PPP2R2B: variants seen among roughly 807,000 people sequenced by gnomAD.
PPP2R2B encodes the protein serine/threonine-protein phosphatase 2A 55 kDa regulatory subunit B beta isoform.
In PPP2R2B, 5 loss-of-function variants were observed where a neutral mutation model predicts 46.0. The observed-to-expected ratio is 0.11, with a 90% confidence interval of 0.06 to 0.23. The LOEUF (loss-of-function observed/expected upper bound fraction) is 0.23. PPP2R2B is among the 10% of genes least tolerant of loss of function. The pLI is 1.00. For missense variants in PPP2R2B, 367 were observed against 575.0 expected (o/e 0.64, Z 3.70); for synonymous variants, 215 against 206.7 (o/e 1.04, Z -0.34).
At chr5:146,849,165 G>A (rs1046695824) in intron 2 of PPP2R2B, among the ~76,000 whole-genome samples, 1 of 152,114 alleles carries the variant, frequency 6.6e-6, no homozygotes, top group Non-Finnish European at 1.5e-5. Context: ...AATGGTTTTA[G>A]AAATCAAGAT....
At chr5:146,945,454 G>A (rs1318683868) in intron 1 of PPP2R2B, among the ~76,000 whole-genome samples, 2 of 152,120 alleles carry the variant, frequency 1.3e-5, no homozygotes, top group African/African-American at 4.8e-5. Flanking sequence ...CCAGAATTGG[G>A]CCAGAAATCA....
chr5:146,807,584 G>A (rs1757251007), intron 2 of PPP2R2B, among the ~76,000 whole-genome samples: 1 of 152,040 alleles, frequency 6.6e-6, no homozygotes, highest in Admixed American at 6.6e-5. Context: ...ACAGCCCTGG[G>A]AGTAGGTTCT....
chr5:146,824,896 T>A (rs1475692126), intron 2 of PPP2R2B, among the ~76,000 whole-genome samples: 1 of 152,128 alleles, frequency 6.6e-6, no homozygotes, highest in Admixed American at 6.5e-5. Context: ...TTTTTGTGTG[T>A]GTTTTTAGTA....
chr5:146,989,190 T>C (rs1753571116), intron 1 of PPP2R2B, among the ~76,000 whole-genome samples: 1 of 151,952 alleles, frequency 6.6e-6, no homozygotes, highest in African/African-American at 2.4e-5. Flanking sequence ...AGAACAAATA[T>C]CAATTCTACT....
intron 1 of PPP2R2B, among the ~76,000 whole-genome samples, chr5:146,934,710 A>G (rs1764085311): frequency 6.6e-6 from 1 of 151,796 alleles, no homozygotes. Context: ...TAAATATTTG[A>G]AAGTTGCATC....
At chr5:146,816,225 G>A (rs942258960) in intron 2 of PPP2R2B, among the ~76,000 whole-genome samples, 2 of 152,154 alleles carry the variant, frequency 1.3e-5, no homozygotes, top group East Asian at 1.9e-4. Context: ...GCAACAAAGC[G>A]AGACTCCATC....
chr5:146,707,784 C>G lies in PPP2R2B; in HGVS notation c.71-6642G>C, dbSNP rs553317639. Among the ~76,000 whole-genome samples, 3 of 152,346 alleles carry G rather than the reference C, an allele frequency of 2.0e-5. No homozygotes were observed. In the East Asian group the frequency reaches 5.8e-4, roughly 29 times the overall value. On this transcript the variant is annotated intron_variant, in intron 2 of 9. Transcript: ENST00000394411. Reference sequence around the variant, plus strand: ...ACTAAGTTTCCTTTACAATCTGACTCTCCTACAAGTAATTGTTAATGACTA... The same window carrying G: ...ACTAAGTTTCCTTTACAATCTGACTGTCCTACAAGTAATTGTTAATGACTA...
At chr5:147,079,992 T>C in intron 2 of PPP2R2B, among the ~76,000 whole-genome samples, 1 of 152,192 alleles carries the variant, frequency 6.6e-6, no homozygotes, top group East Asian at 1.9e-4. Context: ...TATAATTTTA[T>C]ATGGATTTAT....
chr5:146,790,127 G>A (rs1331719048), intron 2 of PPP2R2B, among the ~76,000 whole-genome samples: 1 of 152,240 alleles, frequency 6.6e-6, no homozygotes, highest in Non-Finnish European at 1.5e-5. Context: ...ACTGCTCTGT[G>A]TATGAATGTA....
intron 2 of PPP2R2B, among the ~76,000 whole-genome samples, chr5:147,076,504 A>G (rs1409908059): frequency 6.6e-6 from 1 of 152,116 alleles, no homozygotes; most frequent in East Asian, 1.9e-4. Flanking sequence ...TCTGATTTTT[A>G]TTGGTTAAAT....
intron 1 of PPP2R2B, among the ~76,000 whole-genome samples, chr5:146,991,835 C>T (rs925525174): frequency 1.3e-5 from 2 of 151,792 alleles, no homozygotes; most frequent in African/African-American, 2.4e-5. Context: ...GACCTGCACA[C>T]TGAAAACTAC....
At chr5:147,049,100 A>ATGTGTGTGTG (rs146878580) in intron 1 of PPP2R2B, among the ~76,000 whole-genome samples, 6 of 115,952 alleles carry the variant, frequency 5.2e-5, no homozygotes, top group African/African-American at 1.3e-4. Context: ...GGGAATGAGC[A>ATGTGTGTGTG]TGTGTGTGTG....
At chr5:146,998,097 G>C (rs1458061363) in intron 1 of PPP2R2B, among the ~76,000 whole-genome samples, 1 of 152,174 alleles carries the variant, frequency 6.6e-6, no homozygotes, top group East Asian at 1.9e-4. Context: ...ATAACTTTAA[G>C]TCCCTCTTCA....
chr5:146,846,588 G>A (rs1387357815), intron 2 of PPP2R2B, among the ~76,000 whole-genome samples: 1 of 151,910 alleles, frequency 6.6e-6, no homozygotes, highest in African/African-American at 2.4e-5. Flanking sequence ...TGAGGCAGGA[G>A]AATCGCTTGA....
intron 7 of PPP2R2B, among the ~76,000 whole-genome samples, chr5:146,625,724 G>A (rs945858908): frequency 2.0e-5 from 3 of 152,114 alleles, no homozygotes; most frequent in Non-Finnish European, 2.9e-5. Flanking sequence ...CCTAATGCCC[G>A]GAACCTGGGA....
intron 2 of PPP2R2B, among the ~76,000 whole-genome samples, chr5:146,825,563 G>A (rs1758527499): frequency 6.6e-6 from 1 of 152,132 alleles, no homozygotes; most frequent in Non-Finnish European, 1.5e-5. Context: ...TTTCCAAACA[G>A]ACTATAAGTG....
intron 5 of PPP2R2B, among the ~76,000 whole-genome samples, chr5:146,669,670 G>C (rs1777219091): frequency 6.6e-6 from 1 of 152,196 alleles, no homozygotes; most frequent in Admixed American, 6.5e-5. Context: ...AGTGCTTACT[G>C]TCCCCTGTAT....
chr5:147,017,482 T>C (rs1755059801), intron 1 of PPP2R2B, among the ~76,000 whole-genome samples: 1 of 151,514 alleles, frequency 6.6e-6, no homozygotes, highest in Non-Finnish European at 1.5e-5. Flanking sequence ...TGGGAGTGTG[T>C]AAACTAACTC....
At chr5:146,689,452 C>T (rs1778702015) in intron 5 of PPP2R2B, among the ~76,000 whole-genome samples, 1 of 152,132 alleles carries the variant, frequency 6.6e-6, no homozygotes, top group African/African-American at 2.4e-5. Context: ...TACTATTCAA[C>T]ACAGGAACAG....
Sources: allele counts gnomAD v4.1 joint callset (sites outside exome capture counted in the v4.1 genomes callset), GRCh38; gene constraint gnomAD v4.1.1; transcripts MANE v1.5; gene names NCBI Gene and HGNC (gene_info 2026-07-23, HGNC 2026-07-21).